The following CAMSAP1 variants were observed in gnomAD, a reference collection of about 807,000 sequenced individuals.
CAMSAP1 encodes calmodulin-regulated spectrin-associated protein 1.
A neutral mutation model predicts 143.5 loss-of-function variants in CAMSAP1; 58 were observed. That is an observed-to-expected ratio of 0.40 (90% CI 0.33 to 0.50). The LOEUF (loss-of-function observed/expected upper bound fraction) is 0.50. CAMSAP1 is among the 20% of genes least tolerant of loss of function. The pLI is 0.45. For missense variants in CAMSAP1, 1,969 were observed against 2,115.7 expected, an observed-to-expected ratio of 0.93 and a Z score of 1.36; for synonymous variants, 945 against 859.3, an observed-to-expected ratio of 1.10 and a Z score of -1.74.
intron 1 of CAMSAP1, among the ~76,000 whole-genome samples, chr9:135,899,960 T>C (rs779712221): frequency 6.6e-5 from 10 of 152,172 alleles, no homozygotes; most frequent in Non-Finnish European, 1.5e-4. Context: ...CTTCCATTGC[T>C]ACAGGAGGCC....
At chr9:135,813,709 A>C (rs943629281) in intron 16 of CAMSAP1, among the ~76,000 whole-genome samples, 1 of 152,138 alleles carries the variant, frequency 6.6e-6, no homozygotes, top group African/African-American at 2.4e-5. Context: ...GCTCCCAGTC[A>C]CTCACTGGCA....
chr9:135,848,820 C>A (rs1344616690), intron 7 of CAMSAP1, among the ~76,000 whole-genome samples: 1 of 152,184 alleles, frequency 6.6e-6, no homozygotes, highest in East Asian at 1.9e-4. Context: ...GCACAAGTAC[C>A]AAGTTTCCCT....
In CAMSAP1 at chr9:135,822,204, C is replaced by T. The variant is rs1167773740; in HGVS notation, c.2457G>A (p.Glu819=). Residue 819 remains glutamate (E), a synonymous_variant, in exon 11 of 17, where the codon GAG becomes GAA. Transcript: ENST00000389532. The surrounding 1 kb of genome is among the most constrained non-coding windows in gnomAD (Gnocchi z 6.1). The part of the protein sequence containing the change: ...SGSVKMTSFA[E]RKLQRLNSCE... ...AGCTGTTGAGTCTCTGGAGCTTCCT[C>T]TCCGCAAAGCTGGTCATCTTCACGC... The T allele has an allele frequency of 1.2e-6, 2 of 1,613,852 alleles. No homozygotes were observed. Among genetic ancestry groups the T allele is most frequent in the African/African-American group, 2.7e-5 (2 of 74,946 alleles).
intron 7 of CAMSAP1, among the ~76,000 whole-genome samples, chr9:135,849,057 CT>C (rs1282158315): frequency 6.6e-6 from 1 of 152,262 alleles, no homozygotes; most frequent in Non-Finnish European, 1.5e-5. Context: ...ACAGATGCTC[CT>C]CAGCTTACAA....
At chr9:135,860,745 A>G (rs1837159111) in intron 5 of CAMSAP1, among the ~76,000 whole-genome samples, 1 of 151,704 alleles carries the variant, frequency 6.6e-6, no homozygotes, top group African/African-American at 2.4e-5. Context: ...ATATCCTGTT[A>G]TCTTTCACCC....
At chr9:135,848,354 C>G (rs1455229295) in intron 7 of CAMSAP1, among the ~76,000 whole-genome samples, 1 of 152,068 alleles carries the variant, frequency 6.6e-6, no homozygotes, top group African/African-American at 2.4e-5. Context: ...CACGCACACA[C>G]AGAGAGAGAA....
At chr9:135,854,163 T>G (rs987148984) in intron 5 of CAMSAP1, among the ~76,000 whole-genome samples, 1 of 152,160 alleles carries the variant, frequency 6.6e-6, no homozygotes, top group Non-Finnish European at 1.5e-5. Context: ...CAGGAAGAAG[T>G]TGGTCCCTGT....
intron 1 of CAMSAP1, among the ~76,000 whole-genome samples, chr9:135,902,844 G>A (rs755173455): frequency 1.3e-5 from 2 of 152,140 alleles, no homozygotes; most frequent in South Asian, 2.1e-4. Context: ...ACAGGGCCAC[G>A]TGCTGTCAGT....
chr9:135,862,719 T>G (rs928209681), intron 4 of CAMSAP1, 111 bp from the exon 5 acceptor site: 4 of 1,112,070 alleles, frequency 3.6e-6, no homozygotes, highest in Middle Eastern at 4.0e-4. Flanking sequence ...ACAGACAACA[T>G]GGAGAACAAT....
intron 1 of CAMSAP1, among the ~76,000 whole-genome samples, chr9:135,894,366 G>A (rs770357256): frequency 1.2e-4 from 18 of 152,194 alleles, no homozygotes; most frequent in Non-Finnish European, 2.5e-4. Context: ...GGGGAGGGGC[G>A]GACACCGGCA....
intron 11 of CAMSAP1, among the ~76,000 whole-genome samples, chr9:135,819,970 T>C (rs1835386465): frequency 6.6e-6 from 1 of 152,222 alleles, no homozygotes; most frequent in Non-Finnish European, 1.5e-5. Flanking sequence ...TGGTATCCTC[T>C]CAAATTCATA....
chr9:135,881,874 C>A, intron 2 of CAMSAP1, 80 bp from the exon 3 acceptor site: 1 of 1,494,918 alleles, frequency 6.7e-7, no homozygotes, highest in South Asian at 1.2e-5. Flanking sequence ...TGCTCATACT[C>A]AGCATTCTGG....
At chr9:135,817,864 A>G (rs1350065873) in intron 14 of CAMSAP1, 113 bp downstream of exon 14, 1 of 789,614 alleles carries the variant, frequency 1.3e-6, no homozygotes, top group Non-Finnish European at 2.0e-6. Context: ...ATGTGAAATT[A>G]TATCAAAATT....
chr9:135,881,833 C>A, intron 2 of CAMSAP1, 39 bp from the exon 3 acceptor site: 1 of 1,545,676 alleles, frequency 6.5e-7, no homozygotes, highest in East Asian at 2.5e-5. Context: ...CTCAAACCCA[C>A]CCCTCTTACC....
In CAMSAP1 at chr9:135,821,552, CCTG is replaced by C; in HGVS notation, c.3106_3108del (p.Gln1036del). 1.6e-5 allele frequency: 26 copies of C among 1,613,982 alleles called. No individual in the cohort carries two copies. Among genetic ancestry groups the C allele is most frequent in the Non-Finnish European group, 2.2e-5 (26 of 1,179,896 alleles). Reference sequence around the variant, plus strand: ...TGCTGCTGAGAGATTTTCAGGATGGCCTGCTGCAGCGTACTGATGGTTTCGTTA... The same window carrying C: ...TGCTGCTGAGAGATTTTCAGGATGGCCTGCAGCGTACTGATGGTTTCGTTA... On this transcript the variant is annotated inframe_deletion, in exon 11 of 17. Transcript: ENST00000389532. The surrounding 1 kb of genome is among the most constrained non-coding windows in gnomAD (Gnocchi z 4.6).
At position 135,889,884 on chromosome 9, in the gene CAMSAP1, C is replaced by T. The variant is rs531912289; in HGVS notation, c.161-6806G>A. ...AGGTGCTGGCACCAGGTCCTCTCCC[C>T]GTAAGCTCCCACCCGTAGCTCGCTC... On this transcript the variant is annotated intron_variant, in intron 1 of 16. Coordinates refer to ENST00000389532, the MANE Select transcript of CAMSAP1 (RefSeq NM_015447.4). Among the ~76,000 whole-genome samples, 6 of 152,292 alleles carry T rather than the reference C, an allele frequency of 3.9e-5. No homozygotes were observed. The South Asian group carries it at 1.0e-3, about 26-fold the overall frequency.
At chr9:135,848,693 A>G (rs1836665711) in intron 7 of CAMSAP1, among the ~76,000 whole-genome samples, 1 of 152,208 alleles carries the variant, frequency 6.6e-6, no homozygotes. Flanking sequence ...GCTGCACAGC[A>G]TCTTGTGGCA....
Position 135,907,420 on chromosome 9 carries a change from C to CCGGGGGCGGGGGCGGGCG in CAMSAP1, c.-279_-262dup, listed in dbSNP as rs1422501802. ...AGAGGCGGCGGCAGGAGGGCGCGGG[C>CCGGGGGCGGGGGCGGGCG]CGGGGGCGGGGGCGGGCGCGGGGGC... On this transcript the variant is annotated 5_prime_UTR_variant, in exon 1 of 17. Transcript: ENST00000389532. Among the ~76,000 whole-genome samples, 1 of 145,860 alleles carries CCGGGGGCGGGGGCGGGCG rather than the reference C, an allele frequency of 6.9e-6. No homozygotes were observed. The highest frequency in any genetic ancestry group is 2.5e-5 in the African/African-American group (1 of 40,706).
chr9:135,852,974 G>A (rs978907424), intron 5 of CAMSAP1, among the ~76,000 whole-genome samples: 2 of 152,348 alleles, frequency 1.3e-5, no homozygotes, highest in Non-Finnish European at 2.9e-5. Flanking sequence ...CACGTGGAGA[G>A]ACCAGCAGGT....
Sources: allele counts gnomAD v4.1 joint callset (sites outside exome capture counted in the v4.1 genomes callset), GRCh38; gene constraint gnomAD v4.1.1; non-coding constraint Gnocchi (gnomAD v3.1); transcripts MANE v1.5; gene names NCBI Gene and HGNC (gene_info 2026-07-23, HGNC 2026-07-21).